ANKMY1: variants seen among roughly 807,000 people sequenced by gnomAD.
ANKMY1 encodes ankyrin repeat and MYND domain containing 1.
A neutral mutation model predicts 102.0 loss-of-function variants in ANKMY1; 98 were observed. That is an observed-to-expected ratio of 0.96 (90% CI 0.82 to 1.14). The LOEUF (loss-of-function observed/expected upper bound fraction) is 1.14, where lower values mean the gene tolerates loss of function less well. ANKMY1 is among the 50% of genes most tolerant of loss of function. The pLI, the probability that ANKMY1 is intolerant of heterozygous loss-of-function variation, is 0.00. For synonymous variants in ANKMY1, 582 were observed against 559.9 expected, an observed-to-expected ratio of 1.04 and a Z score of -0.56; for missense variants, 1,330 against 1,347.6, an observed-to-expected ratio of 0.99 and a Z score of 0.20.
At chr2:240,553,600 G>A (rs2091900968) in intron 3 of ANKMY1, 1 of 153,732 alleles carries the variant, frequency 6.5e-6, no homozygotes, top group African/African-American at 2.4e-5. Context: ...GAGGGAAAAA[G>A]AATGTGACAT....
At chr2:240,475,765 T>C (rs903216828), downstream of ANKMY1, among the ~76,000 whole-genome samples, 2 of 151,880 alleles carry the variant, frequency 1.3e-5, no homozygotes, top group African/African-American at 4.8e-5. Context: ...GTGGAACTTT[T>C]AGAATATATA....
At chr2:240,560,411 G>A (rs903426242), upstream of ANKMY1, 8 of 343,584 alleles carry the variant, frequency 2.3e-5, no homozygotes, top group South Asian at 1.2e-4. Context: ...GGCGCCCGGG[G>A]ACAGAGAACA....
chr2:240,559,404 C>G (rs959789849), upstream of ANKMY1, among the ~76,000 whole-genome samples: 4 of 152,304 alleles, frequency 2.6e-5, no homozygotes, highest in African/African-American at 9.6e-5. Flanking sequence ...GGCTGGCTTC[C>G]CCTTATGGCC....
In ANKMY1 at chr2:240,523,957, A is replaced by G. The variant is rs758650906; in HGVS notation, c.1760T>C (p.Met587Thr). 2.4e-5 allele frequency: 39 copies of G among 1,613,688 alleles called. 1 individual carries two copies. Among genetic ancestry groups the G allele is most frequent in the Non-Finnish European group, 3.1e-5 (36 of 1,180,036 alleles). Residue 587 changes from methionine (M) to threonine (T), a missense_variant, in exon 8 of 18, where the codon ATG (methionine) becomes ACG (threonine). Physicochemically the swap from Met to Thr is moderately conservative, Grantham distance 81 (BLOSUM62 -1). Coordinates refer to ENST00000401804, the MANE Select transcript of ANKMY1 (RefSeq NM_001282771.3). ...GCTGGTGCACGGTGAGGGCGAGGCC[A>G]TCTTCAGCAAGCTGTGGGACTGGGC... ...RSAQSHSLLK[M>T]ASPSPCTSSF... is the part of the protein sequence containing the mutation.
At chr2:240,556,200 G>C (rs2125237406) in intron 2 of ANKMY1, among the ~76,000 whole-genome samples, 1 of 152,280 alleles carries the variant, frequency 6.6e-6, no homozygotes, top group South Asian at 2.1e-4. Flanking sequence ...AAGGGCTTGT[G>C]GGAAAAGGGC....
At chr2:240,535,527 T>C (rs2086516438) in intron 4 of ANKMY1, among the ~76,000 whole-genome samples, 1 of 152,212 alleles carries the variant, frequency 6.6e-6, no homozygotes, top group Admixed American at 6.5e-5. Context: ...GGGGATTCTC[T>C]AGAGAACGTG....
intron 15 of ANKMY1, among the ~76,000 whole-genome samples, chr2:240,494,356 A>T (rs1448903507): frequency 6.6e-6 from 1 of 152,050 alleles, no homozygotes; most frequent in African/African-American, 2.4e-5. Flanking sequence ...TGCCACCCTG[A>T]CTGCATCAGC....
At position 240,511,932 on chromosome 2, in the gene ANKMY1, C is replaced by A; in HGVS notation, c.2215G>T (p.Asp739Tyr). Residue 739 changes from aspartate (D) to tyrosine (Y), a missense_variant, in exon 11 of 18, where the codon GAC becomes TAC. By Grantham distance (160) the Asp-to-Tyr change is radical. Coordinates refer to ENST00000401804, the MANE Select transcript of ANKMY1 (RefSeq NM_001282771.3). The part of the protein sequence containing the change: ...PGPPQAYYST[D>Y]TALPEEGGRT... ...CCCCCCTCCTCCGGGAGGGCTGTGT[C>A]CGTGCTGTAGTAGGCTTGGGGAGGG... The A allele has an allele frequency of 6.3e-7, 1 of 1,579,642 alleles. No homozygotes were observed. Among genetic ancestry groups the A allele is most frequent in the Non-Finnish European group, 8.6e-7 (1 of 1,169,222 alleles).
At chr2:240,489,287 C>G (rs927345330) in intron 15 of ANKMY1, among the ~76,000 whole-genome samples, 3 of 151,930 alleles carry the variant, frequency 2.0e-5, no homozygotes, top group Non-Finnish European at 4.4e-5. Context: ...AACCCCGTCT[C>G]TACTAAAAAT....
rs775840741 is a variant in ANKMY1 at position 240,520,268 on chromosome 2, C to G, written c.2004+94G>C. On this transcript the variant is annotated intron_variant, in intron 9 of 17. Transcript: ENST00000401804. The surrounding 1 kb of genome is among the most constrained non-coding windows in gnomAD (Gnocchi z 4.8). ...GGTGGTCGCCTGCAAGAGCCCACCC[C>G]TCTCTTCCGCGCCTAGGTGGAGCGA... 1.3e-5 allele frequency: 19 copies of G among 1,490,126 alleles called. No individual in the cohort carries two copies. Among genetic ancestry groups the G allele is most frequent in the Admixed American group, 2.1e-5 (1 of 46,728 alleles). The allele number at this position is 1,490,126 out of a possible 1,614,324, so 92.3% of individuals were successfully genotyped here. A position where few individuals can be genotyped will look rare whatever the true frequency, so the allele number is the denominator to read the frequency against.
At chr2:240,490,797 A>G (rs1292749111) in intron 15 of ANKMY1, among the ~76,000 whole-genome samples, 2 of 152,146 alleles carry the variant, frequency 1.3e-5, no homozygotes, top group African/African-American at 4.8e-5. Flanking sequence ...AAGAATATAT[A>G]TTCTGCATTT....
intron 15 of ANKMY1, among the ~76,000 whole-genome samples, chr2:240,498,894 C>T (rs2152012584): frequency 6.6e-6 from 1 of 152,286 alleles, no homozygotes; most frequent in Middle Eastern, 3.4e-3. Flanking sequence ...ACAGGCTCCC[C>T]TTCGCCCTCC....
At chr2:240,515,638 T>A (rs951036459) in intron 9 of ANKMY1, among the ~76,000 whole-genome samples, 25 of 152,382 alleles carry the variant, frequency 1.6e-4, no homozygotes, top group African/African-American at 5.5e-4. Flanking sequence ...CAAGGTTTTA[T>A]TAAAATTAGC....
At chr2:240,548,174 T>C (rs2090807214) in intron 4 of ANKMY1, among the ~76,000 whole-genome samples, 1 of 152,150 alleles carries the variant, frequency 6.6e-6, no homozygotes, top group Non-Finnish European at 1.5e-5. Flanking sequence ...CATGATCAAG[T>C]GGGCTTCATC....
chr2:240,495,994 C>T (rs1434215015), intron 15 of ANKMY1, among the ~76,000 whole-genome samples: 1 of 152,190 alleles, frequency 6.6e-6, no homozygotes, highest in Admixed American at 6.5e-5. Flanking sequence ...CTGTACACTG[C>T]TCTGGTTCTA....
chr2:240,507,530 C>T (rs766030181), intron 13 of ANKMY1, 30 bp downstream of exon 13: 8 of 1,584,164 alleles, frequency 5.0e-6, no homozygotes, highest in South Asian at 2.3e-5. Flanking sequence ...AACCCCCTCA[C>T]CAGGGCCACC....
chr2:240,543,538 A>G (rs1251618490), intron 4 of ANKMY1, among the ~76,000 whole-genome samples: 1 of 152,170 alleles, frequency 6.6e-6, no homozygotes, highest in Non-Finnish European at 1.5e-5. Flanking sequence ...TTTTTTGATA[A>G]GTACGACTAA....
chr2:240,557,822 C>T, intron 1 of ANKMY1, 59 bp downstream of exon 1: 1 of 968,200 alleles, frequency 1.0e-6, no homozygotes, highest in Non-Finnish European at 1.2e-6. Context: ...CCCGCCGCCC[C>T]ACGGAGCTCC....
intron 3 of ANKMY1, chr2:240,553,376 G>T: frequency 3.0e-6 from 1 of 335,612 alleles, no homozygotes; most frequent in Non-Finnish European, 5.8e-6. Flanking sequence ...TTGATCTTAG[G>T]TTTGGAGGGT....
Sources: allele counts gnomAD v4.1 joint callset (sites outside exome capture counted in the v4.1 genomes callset), GRCh38; gene constraint gnomAD v4.1.1; non-coding constraint Gnocchi (gnomAD v3.1); transcripts MANE v1.5; gene names NCBI Gene and HGNC (gene_info 2026-07-23, HGNC 2026-07-21).